FAXC: variants seen among roughly 807,000 people sequenced by gnomAD.
The protein encoded by FAXC is failed axon connections homolog.
A neutral mutation model predicts 41.9 loss-of-function variants in FAXC; 10 were observed. The ratio of observed to expected loss-of-function variants is 0.24; its 90% CI spans 0.15 to 0.41. FAXC has a LOEUF of 0.41. FAXC is among the 10% of genes least tolerant of loss of function. FAXC has a pLI of 1.00. For synonymous variants in FAXC, 183 were observed against 183.8 expected (o/e 1.00, Z 0.03); for missense variants, 399 against 510.9 (o/e 0.78, Z 2.11).
intron 4 of FAXC, among the ~76,000 whole-genome samples, chr6:99,305,136 G>A (rs1011965197): frequency 6.6e-6 from 1 of 152,196 alleles, no homozygotes; most frequent in Admixed American, 6.5e-5. Flanking sequence ...TCAGCTTGTG[G>A]AGAAAAGGAG....
rs190253015 is a variant in FAXC, at chr6:99,320,485, C to T, written c.823+2959G>A. Reference sequence around the variant, plus strand: ...TTAAAACTATATCCATAGCTATTCACTATGCCTGTCTCCTGTCTCTCTTTA... The same window carrying T: ...TTAAAACTATATCCATAGCTATTCATTATGCCTGTCTCCTGTCTCTCTTTA... On this transcript the variant is annotated intron_variant, in intron 4 of 5. Transcript: ENST00000389677. Among the ~76,000 whole-genome samples the T allele has an allele frequency of 1.5e-4, 23 of 152,306 alleles. 1 individual carries two copies. Among genetic ancestry groups the T allele is most frequent in the Admixed American group, 1.3e-3 (20 of 15,300 alleles).
At position 99,349,369 on chromosome 6, in the gene FAXC, G is replaced by T. The variant is rs548716181; in HGVS notation, c.4C>A (p.His2Asn). M[H>N]WGVGFASSRP... is the part of the protein sequence containing the mutation. Reference sequence around the variant, plus strand: ...GACGAAGCAAAGCCAACCCCCCAGTGCATGCTGCGCGGCTGGCTCCGGGCG... The same window carrying T: ...GACGAAGCAAAGCCAACCCCCCAGTTCATGCTGCGCGGCTGGCTCCGGGCG... Residue 2 changes from histidine to asparagine, a missense_variant, in exon 1 of 6, where the codon CAC becomes AAC. By Grantham distance (68) the His-to-Asn change is moderately conservative. Around this residue, in one of 3 missense-constraint regions of FAXC, gnomAD observed 68 missense variants for 63.4 expected, o/e 1.07. Coordinates refer to ENST00000389677, the MANE Select transcript of FAXC (RefSeq NM_032511.4). 1.6e-5 allele frequency: 25 copies of T among 1,606,862 alleles called. No individual in the cohort carries two copies. The highest frequency in any genetic ancestry group is 7.7e-5 in the South Asian group (7 of 90,806).
chr6:99,341,451 A>G (rs1230955116), intron 2 of FAXC, among the ~76,000 whole-genome samples: 1 of 152,158 alleles, frequency 6.6e-6, no homozygotes, highest in Non-Finnish European at 1.5e-5. Context: ...AGAAGGCTGG[A>G]GAATCTATCT....
intron 4 of FAXC, among the ~76,000 whole-genome samples, chr6:99,313,696 T>C (rs1033086747): frequency 6.6e-6 from 1 of 152,254 alleles, no homozygotes; most frequent in Admixed American, 6.5e-5. Context: ...GGTTTTATGT[T>C]TCACATTTAA....
At chr6:99,341,623 A>G (rs9321488) in intron 2 of FAXC, among the ~76,000 whole-genome samples, 7 of 152,108 alleles carry the variant, frequency 4.6e-5, no homozygotes, top group Non-Finnish European at 1.0e-4. Flanking sequence ...AAGCAAGAAC[A>G]GACAGAATGA....
intron 4 of FAXC, among the ~76,000 whole-genome samples, chr6:99,306,757 C>G (rs1053025116): frequency 2.0e-5 from 3 of 152,116 alleles, no homozygotes; most frequent in African/African-American, 7.2e-5. Context: ...GCTTGGTGTC[C>G]CTGGGCAAGT....
chr6:99,346,249 GT>G lies in FAXC; in HGVS notation c.266+2857del, dbSNP rs944847790. Among the ~76,000 whole-genome samples the G allele has an allele frequency of 1.6e-4, 24 of 152,072 alleles. 1 individual carries two copies. The highest frequency in any genetic ancestry group is 3.2e-3 in the Middle Eastern group (1 of 314). ...CCTTGGTCTTTGACCTTCCTGCCTG[GT>G]TTTTTTCCCTTTGCCCCTCCACTCC... On this transcript the variant is annotated intron_variant, in intron 1 of 5. Transcript: ENST00000389677.
At chr6:99,322,138 G>A (rs1772615131) in intron 4 of FAXC, among the ~76,000 whole-genome samples, 1 of 152,192 alleles carries the variant, frequency 6.6e-6, no homozygotes, top group Non-Finnish European at 1.5e-5. Flanking sequence ...AACAACAGAA[G>A]GCCTAGACAA....
chr6:99,311,262 T>G (rs919465108), intron 4 of FAXC, among the ~76,000 whole-genome samples: 1 of 152,186 alleles, frequency 6.6e-6, no homozygotes, highest in South Asian at 2.1e-4. Context: ...ATGACTCTAC[T>G]CTTCTCCCCA....
intron 2 of FAXC, among the ~76,000 whole-genome samples, chr6:99,337,002 T>A (rs1427721748): frequency 6.6e-6 from 1 of 152,196 alleles, no homozygotes; most frequent in East Asian, 1.9e-4. Context: ...TATGACACAC[T>A]GAAAAAATCC....
chr6:99,319,423 G>T (rs78640140), intron 4 of FAXC, among the ~76,000 whole-genome samples: 5 of 123,102 alleles, frequency 4.1e-5, no homozygotes, highest in Non-Finnish European at 1.7e-5. Context: ...AAAAAAAAAA[G>T]CAAACCCTCC....
intron 4 of FAXC, among the ~76,000 whole-genome samples, chr6:99,310,335 C>T (rs1453145667): frequency 7.9e-5 from 12 of 152,236 alleles, no homozygotes; most frequent in African/African-American, 2.9e-4. Flanking sequence ...CGCGGCCCTT[C>T]CCTCCTGCAT....
Position 99,349,189 on chromosome 6 carries a change from AG to A in FAXC, c.183del (p.Trp62GlyfsTer8). ...GTCAAGTAAAGGGTTTTCTTCCACC[AG>A]GGATCGGAGCCCAGCCCTGCCATGA... is the stretch of plus-strand genomic sequence containing the variant. ...GGIMAGLGSD[P>X]WWKKTLYLTG... On this transcript the variant is annotated frameshift_variant, in exon 1 of 6. Transcript: ENST00000389677. LOFTEE classifies it high-confidence loss of function. 6.2e-7 allele frequency: 1 copy of A among 1,613,874 alleles called. No individual in the cohort carries two copies. The highest frequency in any genetic ancestry group is 8.5e-7 in the Non-Finnish European group (1 of 1,180,010).
chr6:99,347,033 G>A (rs1773618318), intron 1 of FAXC, among the ~76,000 whole-genome samples: 3 of 152,078 alleles, frequency 2.0e-5, no homozygotes, highest in Admixed American at 6.5e-5. Flanking sequence ...AGGCCAAGGA[G>A]GGAGGATTTC....
intron 5 of FAXC, among the ~76,000 whole-genome samples, chr6:99,291,488 T>A (rs75803620): frequency 0.012 from 1,763 of 152,304 alleles, 39 homozygotes; most frequent in African/African-American, 0.04. Context: ...GCTAAGAACA[T>A]AGTCTGGGCA....
chr6:99,328,559 A>G (rs1772906629), intron 3 of FAXC, among the ~76,000 whole-genome samples: 1 of 152,150 alleles, frequency 6.6e-6, no homozygotes, highest in Admixed American at 6.5e-5. Context: ...ACGGCCTAAT[A>G]TACTCCCCAA....
At chr6:99,324,655 G>A (rs537573921) in intron 3 of FAXC, among the ~76,000 whole-genome samples, 6 of 152,208 alleles carry the variant, frequency 3.9e-5, no homozygotes, top group South Asian at 2.1e-4. Flanking sequence ...GCTGGCCACC[G>A]TACCCAGGTC....
In FAXC at chr6:99,295,495, G is replaced by C. The variant is rs572031502; in HGVS notation, c.824-3675C>G. The stretch of plus-strand genomic sequence containing the variant: ...TTGAAGGCCTGAATAGAACAAAAAG[G>C]CTGACCCCTCACCTGAGTAACGACG... On this transcript the variant is annotated intron_variant, in intron 4 of 5. Coordinates refer to ENST00000389677, the MANE Select transcript of FAXC (RefSeq NM_032511.4). 1.1e-4 allele frequency among the ~76,000 whole-genome samples: 17 copies of C among 152,014 alleles called. No individual in the cohort carries two copies. The South Asian group carries it at 2.5e-3, about 22-fold the overall frequency.
chr6:99,340,255 AC>A (rs1773374188), intron 2 of FAXC, among the ~76,000 whole-genome samples: 1 of 151,844 alleles, frequency 6.6e-6, no homozygotes, highest in African/African-American at 2.4e-5. Flanking sequence ...ACACGCCACT[AC>A]CGCCCAGCTA....
Sources: gnomAD v4.1 joint callset for allele counts (sites outside exome capture counted in the v4.1 genomes callset) on GRCh38, gnomAD v4.1.1 for gene constraint, gnomAD v4.1.1 regional missense constraint, MANE v1.5 for transcripts, NCBI Gene and HGNC (gene_info 2026-07-23, HGNC 2026-07-21) for gene names.